Variants in FAIM observed in about 807,000 individuals in gnomAD.
The protein encoded by FAIM is Fas apoptotic inhibitory molecule, also known as fas apoptotic inhibitory molecule 1.
FAIM carries 14 observed loss-of-function variants against 21.2 expected under a neutral mutation model. The observed-to-expected ratio is 0.66, with a 90% confidence interval of 0.44 to 1.03. FAIM has a LOEUF of 1.03. FAIM is among the 50% of genes least tolerant of loss of function. The pLI, the probability that FAIM is intolerant of heterozygous loss-of-function variation, is 0.00. For missense variants in FAIM, 222 were observed against 247.1 expected (o/e 0.90, Z 0.68); for synonymous variants, 86 against 80.4 (o/e 1.07, Z -0.37).
At chr3:138,621,381 A>G (rs2042882932) in intron 2 of FAIM, 26 bp from the exon 3 acceptor site, 1 of 1,610,814 alleles carries the variant, frequency 6.2e-7, no homozygotes, top group South Asian at 1.1e-5. Flanking sequence ...TTGGCCTACT[A>G]TAATTGCTTT....
At chr3:138,617,835 T>G (rs967387209) in intron 1 of FAIM, among the ~76,000 whole-genome samples, 49 of 146,560 alleles carry the variant, frequency 3.3e-4, no homozygotes, top group Admixed American at 9.0e-4. Flanking sequence ...ATATAGTATA[T>G]ATCTATATAT....
At chr3:138,618,917 A>G (rs571022211) in intron 1 of FAIM, among the ~76,000 whole-genome samples, 1 of 152,336 alleles carries the variant, frequency 6.6e-6, no homozygotes, top group East Asian at 1.9e-4. Context: ...ATGCATGTGA[A>G]TTTATGTGCA....
At chr3:138,617,383 G>GTATAATATGTATATATTATA (rs566762332) in intron 1 of FAIM, among the ~76,000 whole-genome samples, 1 of 145,832 alleles carries the variant, frequency 6.9e-6, no homozygotes, top group Non-Finnish European at 1.5e-5. Flanking sequence ...TTATATGTAT[G>GTATAATATGTATATATTATA]TATAATATGT....
At chr3:138,609,578 ACTCTCTCTCTCTCGACTCTCT>A (rs1560490995) in intron 1 of FAIM, among the ~76,000 whole-genome samples, 22 of 4,688 alleles carry the variant, frequency 4.7e-3, no homozygotes, top group Middle Eastern at 0.071. Context: ...CTCTCTCTCG[ACTCTCTCTCTCTCGACTCTCT>A]CTCTCTCTCT....
chr3:138,619,963 A>G (rs1037035032), intron 2 of FAIM, among the ~76,000 whole-genome samples, 193 bp downstream of exon 2: 1 of 152,250 alleles, frequency 6.6e-6, no homozygotes, highest in South Asian at 2.1e-4. Context: ...GAAACATGGC[A>G]TCCATTTCAG....
intron 4 of FAIM, among the ~76,000 whole-genome samples, chr3:138,624,989 G>A (rs1283127481): frequency 2.6e-5 from 4 of 151,712 alleles, no homozygotes; most frequent in African/African-American, 9.7e-5. Flanking sequence ...AACATAGGGA[G>A]ACCTCATCTC....
chr3:138,619,706 TA>T lies in FAIM; in HGVS notation c.-16-2del. ...TTTCTTTCCTGGCTGCTAATTGGAT[TA>T]AAGACTGTTTTTGCCAACCATGGCA... On this transcript the variant is annotated splice_polypyrimidine_tract_variant and splice_region_variant and intron_variant, in intron 1 of 5. Coordinates refer to ENST00000360570, the MANE Select transcript of FAIM (RefSeq NM_001033031.2). The T allele has an allele frequency of 6.2e-7, 1 of 1,612,596 alleles. No homozygotes were observed. Among genetic ancestry groups the T allele is most frequent in the Non-Finnish European group, 8.5e-7 (1 of 1,179,566 alleles).
Position 138,633,348 on chromosome 3 carries a change from C to G in FAIM, c.*269C>G. The G allele has an allele frequency of 4.5e-6, 1 of 223,584 alleles. No homozygotes were observed. Among genetic ancestry groups the G allele is most frequent in the Non-Finnish European group, 8.8e-6 (1 of 113,878 alleles). The allele number at this position is 223,584 out of a possible 1,614,324, so 13.9% of individuals were successfully genotyped here. ...GTCACTAATGTTTTACAACAGTAAC[C>G]TTTACTATAATAAATACTTTTAAAA... On this transcript the variant is annotated 3_prime_UTR_variant, in exon 6 of 6. Coordinates refer to ENST00000360570, the MANE Select transcript of FAIM (RefSeq NM_001033031.2).
intron 1 of FAIM, chr3:138,610,859 G>A (rs1037466182): frequency 8.4e-6 from 8 of 951,796 alleles, no homozygotes; most frequent in South Asian, 2.8e-5. Flanking sequence ...CTGGGATTAC[G>A]GGGTGTGAGC....
At position 138,617,863 on chromosome 3, in the gene FAIM, T is replaced by C. The variant is rs921754141; in HGVS notation, c.-16-1848T>C. On this transcript the variant is annotated intron_variant, in intron 1 of 5. Transcript: ENST00000360570. ...CTATATATTATCTATCTATATTATC[T>C]AATTAGATATCTAATTAGATCATAT... 4.8e-5 allele frequency among the ~76,000 whole-genome samples: 7 copies of C among 146,880 alleles called. No individual in the cohort carries two copies. The East Asian group carries it at 1.4e-3, about 29-fold the overall frequency.
At chr3:138,620,774 C>G (rs1052542031) in intron 2 of FAIM, among the ~76,000 whole-genome samples, 2 of 152,186 alleles carry the variant, frequency 1.3e-5, no homozygotes, top group African/African-American at 4.8e-5. Flanking sequence ...CAGGCATGAG[C>G]CCCTGCACCC....
At position 138,621,506 on chromosome 3, in the gene FAIM, A is replaced by C. The variant is rs2042884615; in HGVS notation, c.144A>C (p.Thr48=). The change falls in exon 3 of 6, where the codon ACA becomes ACC. Residue 48 remains threonine (T), a synonymous_variant. Coordinates refer to ENST00000360570, the MANE Select transcript of FAIM (RefSeq NM_001033031.2). ...VHKIEFEHGT[T]SGKRVVYVDG... ...AGATCGAATTTGAACATGGGACTAC[A>C]TCAGGCAAACGAGTAGTATATGTAG... is the stretch of plus-strand genomic sequence containing the variant. 2 of 1,613,898 alleles carry C rather than the reference A, an allele frequency of 1.2e-6. No individual in the cohort carries two copies. Among genetic ancestry groups the C allele is most frequent in the South Asian group, 2.2e-5 (2 of 91,080 alleles).
intron 1 of FAIM, chr3:138,610,884 A>G: frequency 1.5e-6 from 2 of 1,362,530 alleles, no homozygotes; most frequent in African/African-American, 1.4e-5. Context: ...GCGCCTGGCC[A>G]CTTTCTCCAA....
intron 1 of FAIM, among the ~76,000 whole-genome samples, chr3:138,618,303 G>C (rs1055569172): frequency 1.3e-5 from 2 of 152,144 alleles, no homozygotes; most frequent in African/African-American, 2.4e-5. Flanking sequence ...TATTTATCTA[G>C]TTTTTATTCT....
rs550521540 is a variant in FAIM, at chr3:138,623,536, T to C, written c.406+1120T>C. On this transcript the variant is annotated intron_variant, in intron 4 of 5. Transcript: ENST00000360570. ...CCATGTCACCATGCCAGGCTAACTT[T>C]AAAAAAATTTTTTGTAGAGACAGGG... 1.5e-3 allele frequency among the ~76,000 whole-genome samples: 230 copies of C among 152,112 alleles called. 1 individual carries two copies. The highest frequency in any genetic ancestry group is 7.3e-3 in the South Asian group (35 of 4,810).
chr3:138,621,033 C>T (rs1053358038), intron 2 of FAIM, among the ~76,000 whole-genome samples: 1 of 152,090 alleles, frequency 6.6e-6, no homozygotes, highest in Non-Finnish European at 1.5e-5. Context: ...AAATTAATTA[C>T]CATGGTTTTT....
chr3:138,616,850 T>C (rs557452427), intron 1 of FAIM, among the ~76,000 whole-genome samples: 9 of 152,146 alleles, frequency 5.9e-5, no homozygotes, highest in Admixed American at 1.3e-4. Flanking sequence ...TGTTACTTGG[T>C]TTAAGAAGAA....
intron 1 of FAIM, among the ~76,000 whole-genome samples, chr3:138,610,014 C>A (rs551491816): frequency 3.3e-5 from 5 of 152,130 alleles, no homozygotes; most frequent in African/African-American, 1.2e-4. Flanking sequence ...TACTGGAGAC[C>A]CCCCTCACTT....
intron 4 of FAIM, among the ~76,000 whole-genome samples, chr3:138,623,367 CTTTTATGTTTTTGAGACAGAGTCT>C (rs1245349745): frequency 6.6e-6 from 1 of 151,948 alleles, no homozygotes; most frequent in Non-Finnish European, 1.5e-5. Flanking sequence ...TCTTTTCATT[CTTTTATGTTTTTGAGACAGAGTCT>C]CACTTTGTCG....
Sources: allele counts gnomAD v4.1 joint callset (sites outside exome capture counted in the v4.1 genomes callset), GRCh38; gene constraint gnomAD v4.1.1; transcripts MANE v1.5; gene names NCBI Gene and HGNC (gene_info 2026-07-23, HGNC 2026-07-21).